The following ARHGAP6 variants were observed in gnomAD, a reference collection of about 807,000 sequenced individuals.
ARHGAP6 encodes the protein rho GTPase-activating protein 6.
In ARHGAP6, 16 loss-of-function variants were observed where a neutral mutation model predicts 55.7. The observed-to-expected ratio is 0.29, with a 90% CI of 0.19 to 0.44. ARHGAP6 has a LOEUF of 0.44. Ranked by LOEUF, ARHGAP6 falls within the 20% of genes least tolerant of loss-of-function variation. ARHGAP6 has a pLI of 1.00. For synonymous variants in ARHGAP6, 382 were observed against 360.9 expected, an observed-to-expected ratio of 1.06 and a Z score of -0.66; for missense variants, 698 against 808.9, an observed-to-expected ratio of 0.86 and a Z score of 1.66.
At chrX:11,315,163 A>T (rs2048344038) in intron 1 of ARHGAP6, among the ~76,000 whole-genome samples, 1 of 112,484 alleles carries the variant, frequency 8.9e-6, no homozygotes, top group Non-Finnish European at 1.9e-5. Context: ...CTTAGCCCAT[A>T]GCTTCGCTAT....
intron 1 of ARHGAP6, among the ~76,000 whole-genome samples, chrX:11,550,849 G>T (rs2051259076): frequency 8.9e-6 from 1 of 111,909 alleles, no homozygotes; most frequent in Admixed American, 9.5e-5. Flanking sequence ...CCACTTTGTG[G>T]ATAAACTAAG....
intron 1 of ARHGAP6, among the ~76,000 whole-genome samples, chrX:11,506,443 A>G (rs1241602961): frequency 3.0e-5 from 3 of 99,498 alleles, no homozygotes; most frequent in Non-Finnish European, 6.0e-5. Flanking sequence ...CCCTTTGTCC[A>G]TGTGTTCTCA....
chrX:11,433,303 G>T (rs966024222), intron 1 of ARHGAP6, among the ~76,000 whole-genome samples: 1 of 112,223 alleles, frequency 8.9e-6, no homozygotes, highest in African/African-American at 3.2e-5. Flanking sequence ...AGTGAGGAAG[G>T]GTGAGGAAAT....
intron 1 of ARHGAP6, among the ~76,000 whole-genome samples, chrX:11,289,093 C>T (rs1373639129): frequency 8.9e-6 from 1 of 112,165 alleles, no homozygotes; most frequent in Non-Finnish European, 1.9e-5. Flanking sequence ...AATTGTTCCA[C>T]CTGATATTTA....
chrX:11,368,900 G>A (rs1469952989), intron 1 of ARHGAP6, among the ~76,000 whole-genome samples: 1 of 111,946 alleles, frequency 8.9e-6, no homozygotes, highest in East Asian at 2.8e-4. Context: ...ATGTTTTACA[G>A]TCTAAAAAAT....
intron 2 of ARHGAP6, among the ~76,000 whole-genome samples, chrX:11,197,651 T>C (rs1476749696): frequency 8.9e-6 from 1 of 112,422 alleles, no homozygotes; most frequent in Non-Finnish European, 1.9e-5. Flanking sequence ...TAGTTAACCA[T>C]TCCTCCATTG....
chrX:11,317,069 C>T (rs1214102083), intron 1 of ARHGAP6, among the ~76,000 whole-genome samples: 1 of 112,579 alleles, frequency 8.9e-6, no homozygotes, highest in African/African-American at 3.2e-5. Flanking sequence ...TCCCCACCCA[C>T]GATTGATCTC....
chrX:11,358,068 A>G lies in ARHGAP6; in HGVS notation c.589-103361T>C, dbSNP rs1030151936. ...CATCCCTCTCCCTCAACCCCTAGCA[A>G]CCATGAATCTACTTTCTGCCTCTGT... On this transcript the variant is annotated intron_variant, in intron 1 of 12. Transcript: ENST00000337414. Among the ~76,000 whole-genome samples the G allele has an allele frequency of 1.6e-4, 18 of 111,376 alleles. No individual in the cohort carries two copies. The Admixed American group carries it at 1.6e-3, about 10-fold the overall frequency.
intron 1 of ARHGAP6, among the ~76,000 whole-genome samples, chrX:11,393,603 T>C (rs2049438949): frequency 8.9e-6 from 1 of 111,975 alleles, no homozygotes; most frequent in African/African-American, 3.2e-5. Flanking sequence ...TTAGTAACAT[T>C]TGTTGTACTA....
At chrX:11,177,692 C>T (rs2046252439) in intron 8 of ARHGAP6, among the ~76,000 whole-genome samples, 1 of 111,788 alleles carries the variant, frequency 8.9e-6, no homozygotes, top group Admixed American at 9.4e-5. Flanking sequence ...AAAGAGGTGA[C>T]ATCATATTTG....
At chrX:11,219,325 G>A (rs1193137251) in intron 2 of ARHGAP6, among the ~76,000 whole-genome samples, 372 of 71,131 alleles carry the variant, frequency 5.2e-3, no homozygotes, top group Non-Finnish European at 5.7e-3. Flanking sequence ...CTTTGCTATT[G>A]TGAATAATGC....
chrX:11,539,713 C>A (rs1157075581), intron 1 of ARHGAP6, among the ~76,000 whole-genome samples: 3 of 111,536 alleles, frequency 2.7e-5, no homozygotes, highest in Non-Finnish European at 5.6e-5. Flanking sequence ...CTAACTACGG[C>A]CTCCCACTGT....
rs188402869 is a variant in ARHGAP6, at chrX:11,275,401, T to C, written c.589-20694A>G. ...GTGGTTCAAATACATCAGTATGGGT[T>C]CCCTGCAGTGACCCAGGAAAACTGA... On this transcript the variant is annotated intron_variant, in intron 1 of 12. Transcript: ENST00000337414. 6.9e-3 allele frequency among the ~76,000 whole-genome samples: 770 copies of C among 111,844 alleles called. 25 individuals carry two copies. Among genetic ancestry groups the C allele is most frequent in the Admixed American group, 0.069 (724 of 10,551 alleles).
chrX:11,241,571 T>TGTGC (rs1555975317), intron 2 of ARHGAP6, among the ~76,000 whole-genome samples: 25 of 101,997 alleles, frequency 2.5e-4, no homozygotes, highest in African/African-American at 9.0e-4. Flanking sequence ...TGTGTGTGTG[T>TGTGC]GTGCGCGTGT....
At chrX:11,248,902 T>C (rs954703899) in intron 2 of ARHGAP6, among the ~76,000 whole-genome samples, 8 of 111,608 alleles carry the variant, frequency 7.2e-5, no homozygotes, top group Non-Finnish European at 1.3e-4. Flanking sequence ...TTTGACCCAG[T>C]AATCTCGCTA....
At chrX:11,433,738 A>G (rs966339844) in intron 1 of ARHGAP6, among the ~76,000 whole-genome samples, 1 of 112,581 alleles carries the variant, frequency 8.9e-6, no homozygotes, top group African/African-American at 3.2e-5. Context: ...TCCACTATTC[A>G]TTAAGCACCT....
chrX:11,627,779 A>T (rs1362896256), intron 1 of ARHGAP6, among the ~76,000 whole-genome samples: 2 of 111,911 alleles, frequency 1.8e-5, no homozygotes, highest in African/African-American at 6.5e-5. Flanking sequence ...TGCAATTACT[A>T]ATCTAATTCA....
At chrX:11,594,613 T>A (rs1207870917) in intron 1 of ARHGAP6, among the ~76,000 whole-genome samples, 1 of 110,798 alleles carries the variant, frequency 9.0e-6, no homozygotes, top group Non-Finnish European at 1.9e-5. Flanking sequence ...CCATGGACTC[T>A]TGTGAACTGC....
intron 1 of ARHGAP6, among the ~76,000 whole-genome samples, chrX:11,312,280 T>C (rs1417982200): frequency 8.9e-6 from 1 of 111,852 alleles, no homozygotes; most frequent in African/African-American, 3.3e-5. Flanking sequence ...TTTTACACTA[T>C]GGAGAACTGA....
Sources: allele counts gnomAD v4.1 joint callset (sites outside exome capture counted in the v4.1 genomes callset), GRCh38; gene constraint gnomAD v4.1.1; transcripts MANE v1.5; gene names NCBI Gene and HGNC (gene_info 2026-07-23, HGNC 2026-07-21).